Variants in FNDC3B observed in about 807,000 individuals in gnomAD.
The protein encoded by FNDC3B is fibronectin type III domain-containing protein 3B.
FNDC3B carries 12 observed loss-of-function variants against 151.5 expected under a neutral mutation model. That is an observed-to-expected ratio of 0.08 (90% confidence interval 0.05 to 0.13). FNDC3B has a LOEUF of 0.13. Among genes scored for constraint, FNDC3B ranks in the 10% least tolerant of loss-of-function variants. The pLI is 1.00. For missense variants in FNDC3B, 1,214 were observed against 1,505.3 expected (o/e 0.81, Z 3.20); for synonymous variants, 528 against 549.0 (o/e 0.96, Z 0.54).
chr3:172,267,285 A>C (rs755251873), intron 6 of FNDC3B, among the ~76,000 whole-genome samples: 3 of 151,942 alleles, frequency 2.0e-5, no homozygotes, highest in Non-Finnish European at 4.4e-5. Flanking sequence ...CCTCCCAAGT[A>C]GCTGGGACTG....
intron 1 of FNDC3B, among the ~76,000 whole-genome samples, chr3:172,088,651 T>C (rs1020021567): frequency 6.6e-6 from 1 of 152,212 alleles, no homozygotes; most frequent in Non-Finnish European, 1.5e-5. Context: ...ACAATACTTA[T>C]CCTACAAAAG....
chr3:172,140,170 A>G (rs1433519308), intron 3 of FNDC3B, among the ~76,000 whole-genome samples: 4 of 152,208 alleles, frequency 2.6e-5, no homozygotes, highest in African/African-American at 9.6e-5. Flanking sequence ...AGGAGGCTCT[A>G]AGCCAAGATA....
chr3:172,125,135 A>G (rs1720749795), intron 2 of FNDC3B, among the ~76,000 whole-genome samples: 1 of 152,192 alleles, frequency 6.6e-6, no homozygotes, highest in South Asian at 2.1e-4. Flanking sequence ...CACAGTAGTA[A>G]ATTGTAAACT....
At chr3:172,252,139 A>C (rs182564585) in intron 6 of FNDC3B, among the ~76,000 whole-genome samples, 7 of 152,294 alleles carry the variant, frequency 4.6e-5, no homozygotes, top group Admixed American at 1.3e-4. Context: ...TTTGTAGATG[A>C]ATCTCTTGGG....
At chr3:172,218,230 C>G (rs1453057498) in intron 3 of FNDC3B, among the ~76,000 whole-genome samples, 2 of 151,104 alleles carry the variant, frequency 1.3e-5, no homozygotes, top group Non-Finnish European at 2.9e-5. Context: ...TCCAAGATTT[C>G]CTAGAAATTG....
chr3:172,199,016 A>T (rs943927861), intron 3 of FNDC3B, among the ~76,000 whole-genome samples: 3 of 151,796 alleles, frequency 2.0e-5, no homozygotes, highest in African/African-American at 7.3e-5. Flanking sequence ...TTTTGTAGAT[A>T]CAGGGTCTCA....
rs534376717 is a variant in FNDC3B at position 172,351,700 on chromosome 3, G to A, written c.2515-1103G>A. Among the ~76,000 whole-genome samples the A allele has an allele frequency of 5.3e-5, 8 of 152,324 alleles. No homozygotes were observed. The East Asian group carries it at 1.3e-3, about 26-fold the overall frequency. On this transcript the variant is annotated intron_variant, in intron 21 of 25. Coordinates refer to ENST00000415807, the MANE Select transcript of FNDC3B (RefSeq NM_022763.4). ...TTAGAATAACCAGATGGGAGAGAGAGTAGTTGGACTAGAGTAATACAGGAT... is the reference window on the plus strand; with the variant it reads ...TTAGAATAACCAGATGGGAGAGAGAATAGTTGGACTAGAGTAATACAGGAT...
intron 3 of FNDC3B, among the ~76,000 whole-genome samples, chr3:172,148,919 G>A (rs1722072663): frequency 6.6e-6 from 1 of 152,200 alleles, no homozygotes; most frequent in Non-Finnish European, 1.5e-5. Context: ...AACAACAGGT[G>A]CATTCTACCT....
chr3:172,190,590 G>A (rs1215216721), intron 3 of FNDC3B, among the ~76,000 whole-genome samples: 1 of 152,184 alleles, frequency 6.6e-6, no homozygotes, highest in Non-Finnish European at 1.5e-5. Flanking sequence ...TTATTGTGAC[G>A]CCTTCTAGGG....
chr3:172,228,865 C>T (rs1417666839), intron 4 of FNDC3B, among the ~76,000 whole-genome samples: 1 of 152,042 alleles, frequency 6.6e-6, no homozygotes, highest in African/African-American at 2.4e-5. Flanking sequence ...TCTTTTATGA[C>T]ACGTTACAGT....
intron 6 of FNDC3B, among the ~76,000 whole-genome samples, chr3:172,282,234 C>T (rs922116513): frequency 2.0e-5 from 3 of 152,158 alleles, no homozygotes; most frequent in African/African-American, 7.2e-5. Flanking sequence ...AATTGTGTCC[C>T]TGGGTTTTAT....
chr3:172,121,692 A>G (rs1272735519), intron 2 of FNDC3B, among the ~76,000 whole-genome samples: 1 of 152,190 alleles, frequency 6.6e-6, no homozygotes, highest in Non-Finnish European at 1.5e-5. Flanking sequence ...TTTTCCTGGT[A>G]TTACCTAGAT....
intron 4 of FNDC3B, among the ~76,000 whole-genome samples, chr3:172,238,743 T>C (rs897529908): frequency 6.6e-6 from 1 of 152,116 alleles, no homozygotes. Context: ...TTAGTGCAAA[T>C]TGGGAAAGTG....
chr3:172,222,826 T>C (rs956247924), intron 3 of FNDC3B, among the ~76,000 whole-genome samples: 2 of 152,120 alleles, frequency 1.3e-5, no homozygotes, highest in African/African-American at 4.8e-5. Context: ...CCCCTGCTCT[T>C]GGGGATCCCT....
At chr3:172,244,369 ATATT>A (rs1727663954) in intron 4 of FNDC3B, among the ~76,000 whole-genome samples, 1 of 152,124 alleles carries the variant, frequency 6.6e-6, no homozygotes, top group Non-Finnish European at 1.5e-5. Flanking sequence ...CTACAGTAAT[ATATT>A]TATTTATGAG....
At chr3:172,220,167 CTG>C (rs35182544) in intron 3 of FNDC3B, among the ~76,000 whole-genome samples, 115,678 of 151,206 alleles carry the variant, frequency 0.77, 44,434 homozygotes, top group African/African-American at 0.82. Flanking sequence ...TTGTTATTTT[CTG>C]TGTGTGTGTG....
intron 17 of FNDC3B, among the ~76,000 whole-genome samples, chr3:172,342,175 A>T (rs1257660131): frequency 6.6e-6 from 1 of 152,196 alleles, no homozygotes; most frequent in Non-Finnish European, 1.5e-5. Context: ...GCCCCCAAGG[A>T]TGGTACTAGG....
At chr3:172,133,391 GTATA>G (rs1440608512) in intron 2 of FNDC3B, 76 bp from the exon 3 acceptor site, 2 of 1,063,552 alleles carry the variant, frequency 1.9e-6, no homozygotes, top group Non-Finnish European at 2.9e-6. Flanking sequence ...TTCCTGTCTA[GTATA>G]TAAATTTAGG....
intron 1 of FNDC3B, among the ~76,000 whole-genome samples, chr3:172,041,173 C>G (rs569860455): frequency 3.9e-5 from 6 of 152,232 alleles, no homozygotes; most frequent in Admixed American, 2.6e-4. Flanking sequence ...TCTAGTCCCC[C>G]CTCCCCCTCT....
Sources: gnomAD v4.1 joint callset for allele counts (sites outside exome capture counted in the v4.1 genomes callset) on GRCh38, gnomAD v4.1.1 for gene constraint, MANE v1.5 for transcripts, NCBI Gene and HGNC (gene_info 2026-07-23, HGNC 2026-07-21) for gene names.